RORA: variants seen among roughly 807,000 people sequenced by gnomAD.
The protein encoded by RORA is nuclear receptor ROR-alpha.
A neutral mutation model predicts 69.5 loss-of-function variants in RORA; 7 were observed. The observed-to-expected ratio is 0.10, with a 90% confidence interval of 0.06 to 0.19. RORA has a LOEUF of 0.19. RORA is among the 10% of genes least tolerant of loss of function. The probability of loss-of-function intolerance (pLI) is 1.00; values close to 1 mark genes in which losing one functional copy is unlikely to be tolerated. For missense variants in RORA, 457 were observed against 663.0 expected (o/e 0.69, Z 3.41); for synonymous variants, 261 against 240.8 (o/e 1.08, Z -0.78).
chr15:60,583,765 A>G (rs1378649123), intron 2 of RORA, among the ~76,000 whole-genome samples: 1 of 152,218 alleles, frequency 6.6e-6, no homozygotes, highest in East Asian at 1.9e-4. Flanking sequence ...AATTGCTCAC[A>G]TCTGGCACCT....
At chr15:60,811,607 C>A (rs2072743489) in intron 1 of RORA, among the ~76,000 whole-genome samples, 1 of 152,294 alleles carries the variant, frequency 6.6e-6, no homozygotes, top group Admixed American at 6.5e-5. Flanking sequence ...GTAAAACAGT[C>A]AAATATACTT....
At position 61,168,145 on chromosome 15, in the gene RORA, T is replaced by C. The variant is rs182172516; in HGVS notation, c.166+60908A>G. Among the ~76,000 whole-genome samples, 424 of 150,344 alleles carry C rather than the reference T, an allele frequency of 2.8e-3. 3 individuals carry two copies. Among genetic ancestry groups the C allele is most frequent in the Non-Finnish European group, 4.8e-3 (322 of 67,658 alleles). On this transcript the variant is annotated intron_variant, in intron 1 of 10. Coordinates refer to ENST00000335670, the MANE Select transcript of RORA (RefSeq NM_134261.3). ...TATTAAAAACATACATATATACACA[T>C]ATATACATACATATACATATATATG...
At position 60,590,175 on chromosome 15, in the gene RORA, A is replaced by ATCTCTCTCTCTCTCTCTCTCTCTC. The variant is rs56192812; in HGVS notation, c.197-58348_197-58325dup. Among the ~76,000 whole-genome samples the ATCTCTCTCTCTCTCTCTCTCTCTC allele has an allele frequency of 3.0e-3, 435 of 146,766 alleles. 2 individuals carry two copies. Among genetic ancestry groups the ATCTCTCTCTCTCTCTCTCTCTCTC allele is most frequent in the African/African-American group, 0.011 (405 of 38,434 alleles). On this transcript the variant is annotated intron_variant, in intron 2 of 10. Transcript: ENST00000335670. ...ATGCATTCTCTCTCCCTCTTCCTCT[A>ATCTCTCTCTCTCTCTCTCTCTCTC]TCTCTCTCTCTCTCTCTCTCTCTCT...
chr15:61,171,023 G>T (rs1238974960), intron 1 of RORA, among the ~76,000 whole-genome samples: 1 of 152,212 alleles, frequency 6.6e-6, no homozygotes, highest in African/African-American at 2.4e-5. Flanking sequence ...AATTTGGTCA[G>T]ATTGTTCAGC....
chr15:60,515,949 TTATATATTTA>T (rs1567050810), intron 3 of RORA, among the ~76,000 whole-genome samples: 1 of 15,528 alleles, frequency 6.4e-5, no homozygotes, highest in African/African-American at 2.7e-4. Flanking sequence ...TTATATATAT[TTATATATTTA>T]TATTTATATA....
chr15:60,970,405 G>C (rs1163396275), intron 1 of RORA, among the ~76,000 whole-genome samples: 2 of 152,104 alleles, frequency 1.3e-5, no homozygotes, highest in East Asian at 3.9e-4. Context: ...GTTCAATTCC[G>C]CAAACATTAT....
chr15:60,542,487 T>TCA (rs1236404554), intron 2 of RORA, among the ~76,000 whole-genome samples: 12 of 125,372 alleles, frequency 9.6e-5, no homozygotes, highest in African/African-American at 4.4e-4. Flanking sequence ...CAGGCGCACC[T>TCA]CACACGGCAC....
intron 1 of RORA, among the ~76,000 whole-genome samples, chr15:60,792,595 G>T (rs1003315152): frequency 6.6e-6 from 1 of 152,162 alleles, no homozygotes; most frequent in South Asian, 2.1e-4. Flanking sequence ...ATGAATGATA[G>T]CTATTTCTCT....
chr15:60,939,361 AG>A (rs1892619326), intron 1 of RORA, among the ~76,000 whole-genome samples: 1 of 152,072 alleles, frequency 6.6e-6, no homozygotes, highest in South Asian at 2.1e-4. Context: ...GCTGGAGAGG[AG>A]GGGCATGCAG....
Position 60,866,875 on chromosome 15 carries a change from T to C in RORA, c.167-188189A>G, listed in dbSNP as rs551091515. ...ATCTACCTACCTACCTATCTACCTA[T>C]CTAGTTTCGAGTCAGAATCTTGCTC... On this transcript the variant is annotated intron_variant, in intron 1 of 10. Coordinates refer to ENST00000335670, the MANE Select transcript of RORA (RefSeq NM_134261.3). 1.3e-4 allele frequency among the ~76,000 whole-genome samples: 18 copies of C among 143,456 alleles called. No homozygotes were observed. In the South Asian group the frequency reaches 3.4e-3, roughly 27 times the overall value. The allele number at this position is 143,456 out of a possible 152,430, so 94.1% of individuals were successfully genotyped here.
At chr15:61,117,178 CTTTTT>C (rs35859710) in intron 1 of RORA, among the ~76,000 whole-genome samples, 1 of 138,402 alleles carries the variant, frequency 7.2e-6, no homozygotes, top group Admixed American at 7.2e-5. Context: ...TTAAAAGTTA[CTTTTT>C]TTTTTTTTTT....
At chr15:60,711,936 T>A (rs1462166366) in intron 1 of RORA, among the ~76,000 whole-genome samples, 1 of 152,230 alleles carries the variant, frequency 6.6e-6, no homozygotes, top group African/African-American at 2.4e-5. Context: ...TTATAAATTA[T>A]AATAGAAGTG....
At chr15:60,898,172 C>T (rs1013026280) in intron 1 of RORA, among the ~76,000 whole-genome samples, 10 of 152,148 alleles carry the variant, frequency 6.6e-5, no homozygotes, top group African/African-American at 2.4e-4. Context: ...GAAGCAGAGG[C>T]TCAGCTTGGC....
chr15:60,987,559 C>G (rs1203050447), intron 1 of RORA, among the ~76,000 whole-genome samples: 1 of 152,130 alleles, frequency 6.6e-6, no homozygotes, highest in Admixed American at 6.5e-5. Context: ...TGATGCCCTT[C>G]TCTCATTAAT....
chr15:61,190,378 A>G (rs1167013699), intron 1 of RORA, among the ~76,000 whole-genome samples: 1 of 152,246 alleles, frequency 6.6e-6, no homozygotes, highest in Non-Finnish European at 1.5e-5. Context: ...CTAAAGTGAT[A>G]TATGTCCTGC....
intron 1 of RORA, among the ~76,000 whole-genome samples, chr15:61,139,825 A>G (rs1213163029): frequency 6.6e-6 from 1 of 152,244 alleles, no homozygotes; most frequent in African/African-American, 2.4e-5. Flanking sequence ...AAAAATAAAA[A>G]GATGTCCACC....
intron 1 of RORA, chr15:61,181,411 T>A (rs1372164046): frequency 6.6e-6 from 1 of 152,088 alleles, no homozygotes; most frequent in Non-Finnish European, 1.5e-5. Flanking sequence ...AGGCAAGAAT[T>A]TCAAATGATA....
chr15:60,599,698 C>A (rs2068772509), intron 2 of RORA, among the ~76,000 whole-genome samples: 1 of 152,192 alleles, frequency 6.6e-6, no homozygotes, highest in African/African-American at 2.4e-5. Flanking sequence ...TAGGTTGTAG[C>A]TATTTCTTCT....
Position 60,525,308 on chromosome 15 carries a change from C to T in RORA, c.282+6458G>A, listed in dbSNP as rs185962164. 7.9e-5 allele frequency among the ~76,000 whole-genome samples: 12 copies of T among 152,226 alleles called. 1 individual carries two copies. Among genetic ancestry groups the T allele is most frequent in the East Asian group, 3.9e-4 (2 of 5,186 alleles). ...TGTCTAAGTTCATGGGCTGGCTGGA[C>T]GCTGCACTGTGGGTGTGGCTGGGAA... On this transcript the variant is annotated intron_variant, in intron 3 of 10. Coordinates refer to ENST00000335670, the MANE Select transcript of RORA (RefSeq NM_134261.3).
Sources: allele counts gnomAD v4.1 joint callset (sites outside exome capture counted in the v4.1 genomes callset), GRCh38; gene constraint gnomAD v4.1.1; transcripts MANE v1.5; gene names NCBI Gene and HGNC (gene_info 2026-07-23, HGNC 2026-07-21).